The following CSMD1 variants were observed in gnomAD, a reference collection of about 807,000 sequenced individuals.
CSMD1 encodes CUB and sushi domain-containing protein 1.
In CSMD1, 213 loss-of-function variants were observed where a neutral mutation model predicts 417.5. That is an observed-to-expected ratio of 0.51 (90% CI 0.46 to 0.57). CSMD1 has a LOEUF of 0.57. CSMD1 is among the 20% of genes least tolerant of loss of function. The probability of loss-of-function intolerance (pLI) is 0.00; values close to 1 mark genes in which losing one functional copy is unlikely to be tolerated. For synonymous variants in CSMD1, 2,862 were observed against 1,736.8 expected (o/e 1.65, Z -16.11); for missense variants, 6,923 against 4,529.7 (o/e 1.53, Z -15.17).
intron 1 of CSMD1, among the ~76,000 whole-genome samples, chr8:4,669,207 T>G (rs749340738): frequency 1.3e-5 from 2 of 152,184 alleles, no homozygotes; most frequent in Non-Finnish European, 2.9e-5. Context: ...TCTCTCTTGC[T>G]TTTAGTTCCC....
chr8:3,409,589 C>T lies in CSMD1; in HGVS notation c.1578G>A (p.Gly526=). 1.9e-6 allele frequency: 3 copies of T among 1,594,664 alleles called. No individual in the cohort carries two copies. Among genetic ancestry groups the T allele is most frequent in the Non-Finnish European group, 2.6e-6 (3 of 1,168,896 alleles). The stretch of plus-strand genomic sequence containing the variant: ...AGGCGGGGATTCCAGGATCCCCACA[C>T]CCTCCCTTTTCAATTTCTGAAAATG... The part of the protein sequence containing the change: ...KAVYQEIEKG[G]CGDPGIPAYG... The change falls in exon 13 of 70, where the codon GGG becomes GGA. Residue 526 remains glycine (G), a synonymous_variant. Coordinates refer to ENST00000635120, the MANE Select transcript of CSMD1 (RefSeq NM_033225.6).
At chr8:2,991,876 T>C (rs1305584274) in intron 54 of CSMD1, among the ~76,000 whole-genome samples, 1 of 152,160 alleles carries the variant, frequency 6.6e-6, no homozygotes, top group Non-Finnish European at 1.5e-5. Flanking sequence ...AAGCAGTGGG[T>C]ACAAAAGTCA....
At chr8:4,032,441 G>C (rs1797397208) in intron 3 of CSMD1, among the ~76,000 whole-genome samples, 1 of 152,058 alleles carries the variant, frequency 6.6e-6, no homozygotes, top group Non-Finnish European at 1.5e-5. Context: ...CCAGATGTCA[G>C]TGTCAGCAAC....
intron 3 of CSMD1, among the ~76,000 whole-genome samples, chr8:4,138,687 G>A (rs1344173547): frequency 6.6e-6 from 1 of 152,100 alleles, no homozygotes; most frequent in African/African-American, 2.4e-5. Context: ...AAGTTAAATT[G>A]TAATGAATTC....
chr8:4,706,086 CATATA>C (rs1453317403), intron 1 of CSMD1, among the ~76,000 whole-genome samples: 2 of 150,180 alleles, frequency 1.3e-5, no homozygotes, highest in East Asian at 3.9e-4. Context: ...AAAATTTTAA[CATATA>C]ATATATAAAA....
Position 4,664,395 on chromosome 8 carries a change from A to G in CSMD1, c.86-26837T>C, listed in dbSNP as rs114760933. 8.9e-3 allele frequency among the ~76,000 whole-genome samples: 1,351 copies of G among 152,154 alleles called. 12 individuals carry two copies. Among genetic ancestry groups the G allele is most frequent in the African/African-American group, 0.019 (792 of 41,510 alleles). On this transcript the variant is annotated intron_variant, in intron 1 of 69. Transcript: ENST00000635120. ...GGCAACATGGTGAAACCCCATGTCT[A>G]CAGTAGAAACGAAAATTGAATGTTC...
intron 1 of CSMD1, among the ~76,000 whole-genome samples, chr8:4,660,978 T>A (rs982826966): frequency 2.0e-5 from 3 of 152,188 alleles, no homozygotes. Flanking sequence ...CAAAATCTGG[T>A]TAGCATAAGA....
rs201188143 is a variant in CSMD1 at position 3,698,051 on chromosome 8, CTGTT to C, written c.1009+10359_1009+10362del. 8.0e-3 allele frequency among the ~76,000 whole-genome samples: 1,215 copies of C among 151,464 alleles called. 7 individuals are homozygous for C. The highest frequency in any genetic ancestry group is 0.021 in the South Asian group (101 of 4,804). On this transcript the variant is annotated intron_variant, in intron 7 of 69. Coordinates refer to ENST00000635120, the MANE Select transcript of CSMD1 (RefSeq NM_033225.6). ...ATGTATTTTAATAGATCCTTTTTTTCTGTTTATTTAAAAAATTATATGATATAAA... is the reference window on the plus strand; with the variant it reads ...ATGTATTTTAATAGATCCTTTTTTTCTATTTAAAAAATTATATGATATAAA...
At chr8:3,744,188 T>G (rs1037316567) in intron 6 of CSMD1, among the ~76,000 whole-genome samples, 1 of 151,516 alleles carries the variant, frequency 6.6e-6, no homozygotes, top group Non-Finnish European at 1.5e-5. Flanking sequence ...CTGGCGGGAG[T>G]GGGAGTTGAG....
At chr8:4,099,432 T>C (rs1801190785) in intron 3 of CSMD1, among the ~76,000 whole-genome samples, 1 of 152,174 alleles carries the variant, frequency 6.6e-6, no homozygotes, top group African/African-American at 2.4e-5. Flanking sequence ...ATGCCACCAC[T>C]CAGTTCTAAT....
rs529651176 is a variant in CSMD1 at position 3,609,671 on chromosome 8, C to A, written c.1097+7039G>T. 2.0e-5 allele frequency among the ~76,000 whole-genome samples: 3 copies of A among 151,270 alleles called. No individual in the cohort carries two copies. The East Asian group carries it at 5.8e-4, about 29-fold the overall frequency. On this transcript the variant is annotated intron_variant, in intron 8 of 69. Transcript: ENST00000635120. ...GCTACACTGCAAATGAGCTCATCTA[C>A]GCATCTTGGCCTTGTTGGTTGTTAG...
chr8:4,314,271 G>C (rs185140372), intron 3 of CSMD1, among the ~76,000 whole-genome samples: 2 of 152,132 alleles, frequency 1.3e-5, no homozygotes, highest in African/African-American at 2.4e-5. Context: ...CAAACTCTTA[G>C]TTACAATCGA....
At chr8:4,214,724 C>A (rs780710507) in intron 3 of CSMD1, among the ~76,000 whole-genome samples, 1 of 152,118 alleles carries the variant, frequency 6.6e-6, no homozygotes, top group Non-Finnish European at 1.5e-5. Flanking sequence ...GAGTTCATCA[C>A]AGAGAACTAC....
At chr8:3,037,541 T>C (rs1344511733) in intron 50 of CSMD1, among the ~76,000 whole-genome samples, 1 of 152,142 alleles carries the variant, frequency 6.6e-6, no homozygotes. Flanking sequence ...TATTGCAAAC[T>C]GTGCTGCTAT....
At chr8:3,315,437 A>AGAGTGAGTGT (rs1554512190) in intron 23 of CSMD1, among the ~76,000 whole-genome samples, 253 of 124,162 alleles carry the variant, frequency 2.0e-3, no homozygotes, top group African/African-American at 6.3e-3. Context: ...AGGTGAAGTG[A>AGAGTGAGTGT]GTGTGTGTGT....
chr8:4,824,724 A>G (rs1160120339), intron 1 of CSMD1, among the ~76,000 whole-genome samples: 1 of 152,318 alleles, frequency 6.6e-6, no homozygotes, highest in South Asian at 2.1e-4. Context: ...TCATGGAATT[A>G]CTTGGAATAA....
At chr8:3,266,272 G>A (rs192051481) in intron 26 of CSMD1, among the ~76,000 whole-genome samples, 169 of 151,232 alleles carry the variant, frequency 1.1e-3, no homozygotes, top group Non-Finnish European at 1.8e-3. Flanking sequence ...GTTGTAAGGC[G>A]GAAAGGCAGT....
At chr8:3,744,519 T>G (rs187258498) in intron 6 of CSMD1, among the ~76,000 whole-genome samples, 2 of 152,114 alleles carry the variant, frequency 1.3e-5, no homozygotes, top group East Asian at 1.9e-4. Flanking sequence ...ATAAATAAAA[T>G]AGATCCAAAG....
intron 1 of CSMD1, among the ~76,000 whole-genome samples, chr8:4,898,977 T>C (rs1032944869): frequency 6.6e-6 from 1 of 152,188 alleles, no homozygotes; most frequent in Admixed American, 6.5e-5. Context: ...AATATTACGG[T>C]AATGATATCT....
Sources: gnomAD v4.1 joint callset for allele counts (sites outside exome capture counted in the v4.1 genomes callset) on GRCh38, gnomAD v4.1.1 for gene constraint, MANE v1.5 for transcripts, NCBI Gene and HGNC (gene_info 2026-07-23, HGNC 2026-07-21) for gene names.